The following PKD1L3 variants were observed in gnomAD, a reference collection of about 807,000 sequenced individuals.
The protein encoded by PKD1L3 is polycystin-1-like protein 3.
Under a neutral mutation model 184.1 loss-of-function variants are expected in PKD1L3, and 239 were observed. That is an observed-to-expected ratio of 1.30 (90% CI 1.17 to 1.45). The LOEUF is 1.45. Among genes scored for constraint, PKD1L3 ranks in the 40% most tolerant of loss-of-function variants. The probability of loss-of-function intolerance (pLI) is 0.00; values close to 1 mark genes in which losing one functional copy is unlikely to be tolerated. For missense variants in PKD1L3, 2,660 were observed against 2,067.2 expected (o/e 1.29, Z -5.56); for synonymous variants, 996 against 778.8 (o/e 1.28, Z -4.64).
rs141511050 is a variant in PKD1L3 at position 71,989,945 on chromosome 16, C to T, written c.585+335G>A. ...CAAAAATTAGCTGGGTGTGGTGGCG[C>T]AGGCCTGTAATCCCAGCTACTTGGG... On this transcript the variant is annotated intron_variant, in intron 4 of 29. Coordinates refer to ENST00000620267, the MANE Select transcript of PKD1L3 (RefSeq NM_181536.2). 7.5e-3 allele frequency among the ~76,000 whole-genome samples: 1,145 copies of T among 152,106 alleles called. 17 individuals carry two copies. Among genetic ancestry groups the T allele is most frequent in the African/African-American group, 0.025 (1,055 of 41,492 alleles).
At chr16:71,955,078 A>C (rs2038993340) in intron 16 of PKD1L3, among the ~76,000 whole-genome samples, 1 of 152,228 alleles carries the variant, frequency 6.6e-6, no homozygotes, top group Non-Finnish European at 1.5e-5. Context: ...GAACTAAGTC[A>C]AGAGATCCAA....
At chr16:71,989,600 T>G (rs1329452477) in intron 4 of PKD1L3, among the ~76,000 whole-genome samples, 1 of 152,252 alleles carries the variant, frequency 6.6e-6, no homozygotes, top group Admixed American at 6.5e-5. Flanking sequence ...GGTGAAATTT[T>G]ATAGATTATG....
chr16:71,998,175 C>T, intron 2 of PKD1L3, 97 bp downstream of exon 2: 1 of 1,461,862 alleles, frequency 6.8e-7, no homozygotes, highest in Non-Finnish European at 9.3e-7. Context: ...TGGTCTAACA[C>T]TCACAGACTA....
chr16:71,995,414 C>G (rs887988506), intron 2 of PKD1L3, among the ~76,000 whole-genome samples: 9 of 152,216 alleles, frequency 5.9e-5, no homozygotes, highest in Admixed American at 1.3e-4. Context: ...CGAAAGGTCT[C>G]ATTTCCATCT....
At chr16:71,933,555 C>T in intron 27 of PKD1L3, 34 bp from the exon 28 acceptor site, 3 of 1,421,832 alleles carry the variant, frequency 2.1e-6, no homozygotes, top group South Asian at 2.5e-5. Context: ...TTAGTGCAAG[C>T]CGAGCGCACA....
At chr16:71,970,234 C>T (rs370774535) in intron 12 of PKD1L3, 129 bp from the exon 13 acceptor site, 11 of 712,478 alleles carry the variant, frequency 1.5e-5, no homozygotes, top group African/African-American at 3.6e-5. Context: ...CTGGTGATGG[C>T]GTAAATTGGT....
chr16:71,933,339 G>A, intron 28 of PKD1L3, 81 bp downstream of exon 28: 1 of 991,586 alleles, frequency 1.0e-6, no homozygotes, highest in South Asian at 1.4e-5. Context: ...TGTACAGTAG[G>A]GGGCTGTTTT....
chr16:71,980,650 A>G (rs1484261687), intron 7 of PKD1L3, among the ~76,000 whole-genome samples: 1 of 152,114 alleles, frequency 6.6e-6, no homozygotes, highest in Non-Finnish European at 1.5e-5. Flanking sequence ...CCTGGCCGAC[A>G]TTGTGAAACC....
intron 22 of PKD1L3, among the ~76,000 whole-genome samples, chr16:71,946,950 T>A (rs1463320758): frequency 3.1e-5 from 3 of 97,334 alleles, no homozygotes; most frequent in Non-Finnish European, 6.3e-5. Flanking sequence ...GAGAGAGAGA[T>A]GAAAAAGATC....
intron 12 of PKD1L3, among the ~76,000 whole-genome samples, chr16:71,971,345 G>C (rs1597342352): frequency 6.6e-6 from 1 of 152,164 alleles, no homozygotes; most frequent in African/African-American, 2.4e-5. Context: ...ATGTCAGTAG[G>C]TGATTACATG....
intron 16 of PKD1L3, among the ~76,000 whole-genome samples, chr16:71,954,958 C>G (rs1158589040): frequency 2.0e-5 from 3 of 152,028 alleles, no homozygotes; most frequent in Non-Finnish European, 4.4e-5. Context: ...TTGCTAGAAG[C>G]CAGTGTTGAG....
At position 71,950,203 on chromosome 16, in the gene PKD1L3, C is replaced by A. The variant is rs911396546; in HGVS notation, c.3298G>T (p.Asp1100Tyr). 3.2e-6 allele frequency: 5 copies of A among 1,552,248 alleles called. No individual in the cohort carries two copies. In the Admixed American group the frequency reaches 7.8e-5, roughly 24 times the overall value. ...LGLTQGHQSC[D>Y]FLDAASQLQK... is the part of the protein sequence containing the mutation. ...AGTTGGCTGGCTGCATCTAGGAAGT[C>A]ACAGGACTGGTGACCCTGGGTGAGA... The change falls in exon 20 of 30, where the codon GAC becomes TAC. Residue 1100 changes from aspartate to tyrosine, a missense_variant. Transcript: ENST00000620267.
At chr16:71,998,666 G>A (rs1422122043) in intron 1 of PKD1L3, among the ~76,000 whole-genome samples, 1 of 152,042 alleles carries the variant, frequency 6.6e-6, no homozygotes, top group Non-Finnish European at 1.5e-5. Flanking sequence ...GGCCAGGCTG[G>A]TCTCGAACTC....
Position 71,967,931 on chromosome 16 carries a change from C to T in PKD1L3, c.2261G>A (p.Arg754Gln), listed in dbSNP as rs972086022. 18 of 1,551,314 alleles carry T rather than the reference C, an allele frequency of 1.2e-5. No homozygotes were observed. The Admixed American group carries it at 1.2e-4, about 10-fold the overall frequency. ...CTTAGCTGTTGTAGCAGCGCTTCTTCGATATCCGGTGTAGACCTGAATAAG... is the reference window on the plus strand; with the variant it reads ...CTTAGCTGTTGTAGCAGCGCTTCTTTGATATCCGGTGTAGACCTGAATAAG... ...HYLIQVYTGY[R>Q]RSAATTAKVV... The change falls in exon 14 of 30, where the codon CGA (arginine) becomes CAA (glutamine). Residue 754 changes from arginine to glutamine, a missense_variant. Transcript: ENST00000620267.
chr16:71,941,153 G>A (rs2038346585), intron 24 of PKD1L3, among the ~76,000 whole-genome samples: 2 of 151,902 alleles, frequency 1.3e-5, no homozygotes, highest in African/African-American at 4.8e-5. Context: ...TTCTTTAAAA[G>A]GACAGCCAGG....
intron 11 of PKD1L3, among the ~76,000 whole-genome samples, chr16:71,974,015 A>AT (rs1491054076): frequency 4.0e-4 from 6 of 15,104 alleles, no homozygotes; most frequent in Non-Finnish European, 8.1e-4. Context: ...AAAAAAAAAA[A>AT]ATATATATAT....
intron 19 of PKD1L3, among the ~76,000 whole-genome samples, chr16:71,951,087 T>C (rs1217067010): frequency 6.6e-6 from 1 of 151,168 alleles, no homozygotes; most frequent in African/African-American, 2.4e-5. Context: ...TTGCCCAAGC[T>C]GGAGTGTAGT....
chr16:71,948,803 T>TTAAAAA (rs540911511), intron 21 of PKD1L3, among the ~76,000 whole-genome samples: 5 of 81,206 alleles, frequency 6.2e-5, no homozygotes, highest in South Asian at 6.5e-4. Context: ...TTACATATAG[T>TTAAAAA]AAAAAAAAAA....
intron 2 of PKD1L3, among the ~76,000 whole-genome samples, chr16:71,994,316 A>T (rs1173452925): frequency 2.6e-5 from 4 of 152,048 alleles, no homozygotes; most frequent in African/African-American, 9.7e-5. Context: ...CCTCAGTCTC[A>T]TTCTTAGGTC....
Sources: gnomAD v4.1 joint callset for allele counts (sites outside exome capture counted in the v4.1 genomes callset) on GRCh38, gnomAD v4.1.1 for gene constraint, MANE v1.5 for transcripts, NCBI Gene and HGNC (gene_info 2026-07-23, HGNC 2026-07-21) for gene names.